Variants in STAU2 observed in about 807,000 individuals in gnomAD.
The protein encoded by STAU2 is staufen double-stranded RNA binding protein 2.
STAU2 carries 20 observed loss-of-function variants against 65.9 expected under a neutral mutation model. That is an observed-to-expected ratio of 0.30 (90% CI 0.21 to 0.44). The LOEUF (loss-of-function observed/expected upper bound fraction) is 0.44, where lower values mean the gene tolerates loss of function less well. Ranked by LOEUF, STAU2 falls within the 20% of genes least tolerant of loss-of-function variation. The probability of loss-of-function intolerance (pLI) is 1.00; values close to 1 mark genes in which losing one functional copy is unlikely to be tolerated. For synonymous variants in STAU2, 232 were observed against 233.9 expected, an observed-to-expected ratio of 0.99 and a Z score of 0.07; for missense variants, 558 against 683.9, an observed-to-expected ratio of 0.82 and a Z score of 2.05.
chr8:73,727,914 G>A (rs947828915), intron 3 of STAU2: 1 of 152,168 alleles, frequency 6.6e-6, no homozygotes, highest in Non-Finnish European at 1.5e-5. Flanking sequence ...CATCCTAGTA[G>A]GTGAGAAGTG....
intron 13 of STAU2, among the ~76,000 whole-genome samples, chr8:73,535,422 G>A (rs886113269): frequency 6.6e-6 from 1 of 152,132 alleles, no homozygotes; most frequent in African/African-American, 2.4e-5. Context: ...GCCCACCTCG[G>A]CCTCCCAAAG....
chr8:73,663,048 C>G (rs1351299209), intron 6 of STAU2, among the ~76,000 whole-genome samples: 2 of 152,086 alleles, frequency 1.3e-5, no homozygotes, highest in Non-Finnish European at 2.9e-5. Context: ...ATGGATTGAT[C>G]TATTTCTTGC....
At position 73,633,977 on chromosome 8, in the gene STAU2, CA is replaced by C. The variant is rs536287275; in HGVS notation, c.411-16527del. On this transcript the variant is annotated intron_variant, in intron 6 of 14. Coordinates refer to ENST00000524300, the MANE Select transcript of STAU2 (RefSeq NM_001164380.2). ...TGAGTGACAAAGCGAGACTCCATCT[CA>C]AAAAAAAGAAAAAGACTACTGAATC... Among the ~76,000 whole-genome samples the C allele has an allele frequency of 6.0e-5, 9 of 150,586 alleles. No homozygotes were observed. The South Asian group carries it at 1.7e-3, about 28-fold the overall frequency.
chr8:73,436,988 T>C (rs1489986035), intron 13 of STAU2, among the ~76,000 whole-genome samples: 1 of 152,208 alleles, frequency 6.6e-6, no homozygotes, highest in Non-Finnish European at 1.5e-5. Context: ...CACCTAACAA[T>C]ATTAACTCTA....
At chr8:73,477,570 T>C (rs971299009) in intron 13 of STAU2, among the ~76,000 whole-genome samples, 1 of 152,202 alleles carries the variant, frequency 6.6e-6, no homozygotes, top group East Asian at 1.9e-4. Context: ...AAAATCAATT[T>C]GGCTGCTGTG....
intron 13 of STAU2, among the ~76,000 whole-genome samples, chr8:73,531,948 A>G (rs867062512): frequency 6.6e-6 from 1 of 152,224 alleles, no homozygotes; most frequent in Non-Finnish European, 1.5e-5. Context: ...ATTACAAAAG[A>G]GTCATCACCC....
intron 6 of STAU2, among the ~76,000 whole-genome samples, chr8:73,661,811 C>T (rs1188636484): frequency 6.6e-6 from 1 of 152,154 alleles, no homozygotes; most frequent in Non-Finnish European, 1.5e-5. Flanking sequence ...GTCATGGTTA[C>T]ATTACAGTGT....
chr8:73,709,122 A>T lies in STAU2; in HGVS notation c.24T>A (p.Thr8=). The T allele has an allele frequency of 6.5e-7, 1 of 1,532,146 alleles. No homozygotes were observed. Among genetic ancestry groups the T allele is most frequent in the South Asian group, 1.2e-5 (1 of 83,098 alleles). The allele number at this position is 1,532,146 out of a possible 1,614,324, so 94.9% of individuals were successfully genotyped here. The part of the protein sequence containing the change: MANPKEK[T]AMCLVNELAR... The stretch of plus-strand genomic sequence containing the variant: ...CTAACTCATTTACCAGACACATTGC[A>T]GTTTTCTCTTTTGGGTTTGCCATTT... Residue 8 remains threonine (T), a synonymous_variant, in exon 4 of 15, where the codon ACT becomes ACA. Transcript: ENST00000524300.
At chr8:73,610,094 C>T (rs930489199) in intron 9 of STAU2, among the ~76,000 whole-genome samples, 11 of 151,972 alleles carry the variant, frequency 7.2e-5, no homozygotes, top group African/African-American at 1.5e-4. Context: ...GCCTGCACAA[C>T]GTTGCAAAAC....
At chr8:73,680,672 G>A (rs1173098984) in intron 5 of STAU2, among the ~76,000 whole-genome samples, 1 of 151,884 alleles carries the variant, frequency 6.6e-6, no homozygotes, top group Admixed American at 6.6e-5. Context: ...AGCTCAAGGA[G>A]GCACTAGAGA....
chr8:73,511,729 T>C (rs1822415188), intron 13 of STAU2: 4 of 152,226 alleles, frequency 2.6e-5, no homozygotes, highest in Admixed American at 2.6e-4. Context: ...TTCTTAATAA[T>C]GTTGTTAATG....
chr8:73,447,146 G>A (rs948558917), intron 13 of STAU2, among the ~76,000 whole-genome samples: 20 of 152,050 alleles, frequency 1.3e-4, no homozygotes, highest in African/African-American at 4.3e-4. Flanking sequence ...GGGTTTCACC[G>A]TATTGGCCAG....
intron 12 of STAU2, among the ~76,000 whole-genome samples, chr8:73,570,965 G>A (rs1387614546): frequency 6.6e-6 from 1 of 152,140 alleles, no homozygotes; most frequent in Non-Finnish European, 1.5e-5. Context: ...TGGATAAAGA[G>A]TCAAGACCCA....
chr8:73,626,465 A>G (rs911828767), intron 6 of STAU2, among the ~76,000 whole-genome samples: 1 of 152,212 alleles, frequency 6.6e-6, no homozygotes, highest in Admixed American at 6.5e-5. Flanking sequence ...TTAAGCAGGA[A>G]AGTGGCACAA....
At chr8:73,478,708 T>C (rs972375215) in intron 13 of STAU2, among the ~76,000 whole-genome samples, 1 of 151,836 alleles carries the variant, frequency 6.6e-6, no homozygotes, top group African/African-American at 2.4e-5. Flanking sequence ...ACTCAATATA[T>C]GCATTTTGCA....
chr8:73,687,567 A>ATT (rs59512962), intron 5 of STAU2, among the ~76,000 whole-genome samples: 1 of 143,762 alleles, frequency 7.0e-6, no homozygotes, highest in Non-Finnish European at 1.5e-5. Context: ...ATTTTTTGTA[A>ATT]TTTTTTTTTT....
chr8:73,738,420 T>A (rs1806597534), intron 2 of STAU2, 71 bp from the exon 3 acceptor site: 1 of 1,023,288 alleles, frequency 9.8e-7, no homozygotes, highest in Non-Finnish European at 1.4e-6. Context: ...TTTAAACACA[T>A]GCCCTTGATC....
intron 4 of STAU2, among the ~76,000 whole-genome samples, chr8:73,698,421 GACAC>G (rs1226350069): frequency 1.3e-5 from 2 of 152,112 alleles, no homozygotes; most frequent in African/African-American, 4.8e-5. Flanking sequence ...CACCTATGAA[GACAC>G]ACACAGACAG....
chr8:73,658,272 G>A (rs954989867), intron 6 of STAU2, among the ~76,000 whole-genome samples: 16 of 152,074 alleles, frequency 1.1e-4, no homozygotes, highest in Admixed American at 8.5e-4. Flanking sequence ...GGAGGGTGAG[G>A]CATGAGAATC....
Sources: gnomAD v4.1 joint callset for allele counts (sites outside exome capture counted in the v4.1 genomes callset) on GRCh38, gnomAD v4.1.1 for gene constraint, MANE v1.5 for transcripts, NCBI Gene and HGNC (gene_info 2026-07-23, HGNC 2026-07-21) for gene names.